Variants in ROBO2 observed in about 807,000 individuals in gnomAD.
ROBO2 encodes the protein roundabout homolog 2.
Under a neutral mutation model 160.8 loss-of-function variants are expected in ROBO2, and 53 were observed. The observed-to-expected ratio is 0.33, with a 90% CI of 0.26 to 0.41. The LOEUF (loss-of-function observed/expected upper bound fraction) is 0.41. ROBO2 is among the 10% of genes least tolerant of loss of function. The pLI is 1.00. For missense variants in ROBO2, 1,577 were observed against 1,722.4 expected (o/e 0.92, Z 1.49); for synonymous variants, 664 against 611.7 (o/e 1.09, Z -1.26).
intron 2 of ROBO2, among the ~76,000 whole-genome samples, chr3:76,751,077 G>A (rs890668438): frequency 2.0e-5 from 3 of 152,172 alleles, no homozygotes; most frequent in African/African-American, 7.2e-5. Context: ...AAAACAGCAT[G>A]GTACTGGTAC....
intron 2 of ROBO2, among the ~76,000 whole-genome samples, chr3:76,266,631 T>G (rs1401049951): frequency 6.6e-6 from 1 of 152,094 alleles, no homozygotes; most frequent in African/African-American, 2.4e-5. Flanking sequence ...CATTGGGGAT[T>G]TATTATGAAT....
chr3:76,727,468 A>G (rs1435506401), intron 2 of ROBO2, among the ~76,000 whole-genome samples: 1 of 152,174 alleles, frequency 6.6e-6, no homozygotes, highest in African/African-American at 2.4e-5. Flanking sequence ...CATTCATTCA[A>G]CAAATATTGA....
chr3:76,057,811 C>T lies in ROBO2; in HGVS notation c.109+120209C>T, dbSNP rs2067907574. Among the ~76,000 whole-genome samples, 3 of 152,034 alleles carry T rather than the reference C, an allele frequency of 2.0e-5. No individual in the cohort carries two copies. The South Asian group carries it at 6.2e-4, about 31-fold the overall frequency. Reference sequence around the variant, plus strand: ...TTTTGTCTGAAAAATCAGACCATTCCCTGTTCTAAATCATTTTTCTTGATT... The same window carrying T: ...TTTTGTCTGAAAAATCAGACCATTCTCTGTTCTAAATCATTTTTCTTGATT... On this transcript the variant is annotated intron_variant, in intron 2 of 26. Coordinates refer to the ROBO2 transcript ENST00000487694.
At chr3:77,020,200 A>G (rs1003737871) in intron 2 of ROBO2, among the ~76,000 whole-genome samples, 2 of 152,218 alleles carry the variant, frequency 1.3e-5, no homozygotes, top group African/African-American at 4.8e-5. Flanking sequence ...CCTATACTAA[A>G]ATAGAAAATA....
chr3:76,795,533 C>T (rs946686436), intron 2 of ROBO2, among the ~76,000 whole-genome samples: 1 of 152,108 alleles, frequency 6.6e-6, no homozygotes, highest in African/African-American at 2.4e-5. Context: ...CCATAAGAAA[C>T]AACTTCTCAT....
At chr3:77,558,269 AG>A in intron 9 of ROBO2, 120 bp downstream of exon 10, 1 of 800,428 alleles carries the variant, frequency 1.2e-6, no homozygotes, top group Non-Finnish European at 2.1e-6. Context: ...GTTTAAAAAC[AG>A]TTAATGTTAT....
chr3:77,323,371 C>G (rs1339950790), intron 2 of ROBO2, among the ~76,000 whole-genome samples: 1 of 151,896 alleles, frequency 6.6e-6, no homozygotes, highest in Non-Finnish European at 1.5e-5. Flanking sequence ...TTGTATCTCT[C>G]AAGACCCTGA....
chr3:76,259,583 T>C (rs769747902), intron 2 of ROBO2, among the ~76,000 whole-genome samples: 19 of 152,176 alleles, frequency 1.2e-4, no homozygotes, highest in Non-Finnish European at 2.5e-4. Context: ...AAGTTAGAGA[T>C]AGTGTTTTCC....
At chr3:76,567,620 G>GATATAT (rs1201854439) in intron 2 of ROBO2, among the ~76,000 whole-genome samples, 851 of 33,074 alleles carry the variant, frequency 0.026, 16 homozygotes, top group Admixed American at 0.036. Flanking sequence ...CCAAACTACT[G>GATATAT]ATATATATAT....
At chr3:76,630,690 G>T (rs1020420476) in intron 2 of ROBO2, among the ~76,000 whole-genome samples, 2 of 152,144 alleles carry the variant, frequency 1.3e-5, no homozygotes, top group African/African-American at 4.8e-5. Context: ...AATTGACAAA[G>T]ATTAAAAAAT....
At chr3:77,370,936 G>A (rs1581418281) in intron 2 of ROBO2, among the ~76,000 whole-genome samples, 1 of 152,152 alleles carries the variant, frequency 6.6e-6, no homozygotes, top group Non-Finnish European at 1.5e-5. Flanking sequence ...TGAGCTGAAA[G>A]TTTCCATAAA....
chr3:75,992,868 T>G (rs1016675207), intron 2 of ROBO2, among the ~76,000 whole-genome samples: 1 of 152,214 alleles, frequency 6.6e-6, no homozygotes, highest in African/African-American at 2.4e-5. Context: ...GAGATCACTT[T>G]GGAGCTTTAA....
At chr3:76,376,564 A>G (rs75823424) in intron 2 of ROBO2, among the ~76,000 whole-genome samples, 188 of 152,264 alleles carry the variant, frequency 1.2e-3, no homozygotes, top group Non-Finnish European at 2.0e-3. Context: ...ATCTAGCAAT[A>G]TTACTGAGCA....
chr3:77,645,063 T>C (rs532650386), intron 25 of ROBO2, among the ~76,000 whole-genome samples, 159 bp downstream of exon 27: 4 of 152,350 alleles, frequency 2.6e-5, no homozygotes, highest in East Asian at 3.9e-4. Flanking sequence ...ACTTAGGCCA[T>C]TGCTATATTT....
At chr3:77,365,889 G>A (rs1369802539) in intron 2 of ROBO2, among the ~76,000 whole-genome samples, 1 of 152,174 alleles carries the variant, frequency 6.6e-6, no homozygotes, top group African/African-American at 2.4e-5. Context: ...GGAGAAAAAT[G>A]TATTGACTAG....
chr3:77,043,516 C>G (rs2064305979), intron 1 of ROBO2, among the ~76,000 whole-genome samples: 3 of 151,956 alleles, frequency 2.0e-5, no homozygotes, highest in Admixed American at 2.0e-4. Context: ...CCATAGAGAG[C>G]AAATATTAAG....
At chr3:76,479,149 T>C (rs2079084220) in intron 2 of ROBO2, among the ~76,000 whole-genome samples, 2 of 152,164 alleles carry the variant, frequency 1.3e-5, no homozygotes, top group African/African-American at 2.4e-5. Context: ...AGGATCACAA[T>C]ATAGCATTTC....
At chr3:76,434,470 T>C in intron 2 of ROBO2, 3 of 1,549,940 alleles carry the variant, frequency 1.9e-6, no homozygotes, top group Non-Finnish European at 8.9e-7. Context: ...AAGAAATGAA[T>C]GATGCTGCCA....
intron 2 of ROBO2, among the ~76,000 whole-genome samples, chr3:77,426,315 G>C (rs1447210993): frequency 6.6e-6 from 1 of 152,088 alleles, no homozygotes. Flanking sequence ...GATGGATAAA[G>C]GAACCATGAA....
Sources: gnomAD v4.1 joint callset for allele counts (sites outside exome capture counted in the v4.1 genomes callset) on GRCh38, gnomAD v4.1.1 for gene constraint, MANE v1.5 for transcripts, NCBI Gene and HGNC (gene_info 2026-07-23, HGNC 2026-07-21) for gene names.